Variants in PHACTR1 observed in about 807,000 individuals in gnomAD.
PHACTR1 encodes RPEL repeat containing 1.
In PHACTR1, 16 loss-of-function variants were observed where a neutral mutation model predicts 69.2. The observed-to-expected ratio is 0.23, with a 90% CI of 0.16 to 0.35. The LOEUF (loss-of-function observed/expected upper bound fraction) is 0.35, where lower values mean the gene tolerates loss of function less well. PHACTR1 is among the 10% of genes least tolerant of loss of function. The probability of loss-of-function intolerance (pLI) is 1.00; values close to 1 mark genes in which losing one functional copy is unlikely to be tolerated. For missense variants in PHACTR1, 510 were observed against 734.7 expected (o/e 0.69, Z 3.54); for synonymous variants, 312 against 284.5 (o/e 1.10, Z -0.97).
chr6:12,803,105 A>T (rs1423512844), intron 4 of PHACTR1, among the ~76,000 whole-genome samples: 3 of 152,166 alleles, frequency 2.0e-5, no homozygotes, highest in Non-Finnish European at 2.9e-5. Context: ...TGATCTGCTG[A>T]CAAGCCACAC....
intron 4 of PHACTR1, among the ~76,000 whole-genome samples, chr6:12,860,757 G>A (rs1292742540): frequency 2.0e-5 from 3 of 152,144 alleles, no homozygotes; most frequent in South Asian, 2.1e-4. Context: ...GTGATGATGA[G>A]CTCTTTTTCA....
chr6:12,956,755 GT>G (rs2127559998), intron 4 of PHACTR1, among the ~76,000 whole-genome samples: 1 of 152,224 alleles, frequency 6.6e-6, no homozygotes, highest in African/African-American at 2.4e-5. Flanking sequence ...TCGGTTTTAG[GT>G]TTTATTTGCA....
At chr6:13,271,316 A>C (rs1374510419) in intron 10 of PHACTR1, among the ~76,000 whole-genome samples, 2 of 152,212 alleles carry the variant, frequency 1.3e-5, no homozygotes, top group African/African-American at 4.8e-5. Flanking sequence ...CCCCCCGAGC[A>C]ATGGGGATTA....
chr6:13,286,934 G>A lies in PHACTR1; in HGVS notation c.1728-129G>A, dbSNP rs560122499. On this transcript the variant is annotated intron_variant, in intron 14 of 14. Coordinates refer to ENST00000332995, the MANE Select transcript of PHACTR1 (RefSeq NM_030948.6). ...GGTGTGTGTTCAGTGGTACTCCTGT[G>A]GGGATGACGGTGGGAAGCTCGCACC... The A allele has an allele frequency of 8.0e-4, 766 of 953,864 alleles. 1 individual carries two copies. The highest frequency in any genetic ancestry group is 1.1e-3 in the Non-Finnish European group (668 of 623,798). 59.1% of individuals were successfully genotyped at this position (953,864 alleles called of 1,614,324 possible).
At chr6:12,875,380 G>A (rs1333141559) in intron 4 of PHACTR1, among the ~76,000 whole-genome samples, 1 of 152,158 alleles carries the variant, frequency 6.6e-6, no homozygotes. Context: ...TCGTCACCTC[G>A]ATATTTGCGT....
At position 12,831,959 on chromosome 6, in the gene PHACTR1, A is replaced by C. The variant is rs534885530; in HGVS notation, c.250+82169A>C. ...AGGAGGAAATAAAAATCAAAATTTTAGCCAGGCTTGACGGTACATCCATCT... is the reference window on the plus strand; with the variant it reads ...AGGAGGAAATAAAAATCAAAATTTTCGCCAGGCTTGACGGTACATCCATCT... On this transcript the variant is annotated intron_variant, in intron 4 of 14. Coordinates refer to ENST00000332995, the MANE Select transcript of PHACTR1 (RefSeq NM_030948.6). Among the ~76,000 whole-genome samples the C allele has an allele frequency of 1.8e-3, 278 of 152,232 alleles. 1 individual carries two copies. Among genetic ancestry groups the C allele is most frequent in the Non-Finnish European group, 3.1e-3 (212 of 67,996 alleles).
chr6:13,161,162 G>A (rs62385532), intron 6 of PHACTR1, among the ~76,000 whole-genome samples: 34,084 of 151,948 alleles, frequency 0.22, 4,825 homozygotes, highest in East Asian at 0.43. Context: ...GTATTTTTGT[G>A]CAGACAGGGT....
intron 7 of PHACTR1, among the ~76,000 whole-genome samples, chr6:13,199,669 C>T (rs1764941239): frequency 6.6e-6 from 1 of 152,094 alleles, no homozygotes; most frequent in Non-Finnish European, 1.5e-5. Context: ...TATTGCTTGA[C>T]ACAAAATTTT....
At chr6:13,071,479 C>G (rs1481776908) in intron 5 of PHACTR1, among the ~76,000 whole-genome samples, 1 of 151,982 alleles carries the variant, frequency 6.6e-6, no homozygotes, top group Non-Finnish European at 1.5e-5. Context: ...GGTATTCTGA[C>G]CTGAGTTAGG....
chr6:12,885,412 G>T (rs779089540), intron 4 of PHACTR1, among the ~76,000 whole-genome samples: 2 of 152,192 alleles, frequency 1.3e-5, no homozygotes, highest in Non-Finnish European at 1.5e-5. Flanking sequence ...GGAAATGCCT[G>T]CCTGCCTTTG....
chr6:13,269,183 C>A (rs1396223989), intron 10 of PHACTR1, among the ~76,000 whole-genome samples: 1 of 152,200 alleles, frequency 6.6e-6, no homozygotes, highest in Non-Finnish European at 1.5e-5. Flanking sequence ...AAACATTCTG[C>A]CCCCAAAACT....
intron 4 of PHACTR1, among the ~76,000 whole-genome samples, chr6:13,017,414 A>C (rs1025669729): frequency 6.6e-6 from 1 of 152,122 alleles, no homozygotes; most frequent in Non-Finnish European, 1.5e-5. Flanking sequence ...GGAATTGCAG[A>C]ATTTTCTGCT....
At chr6:13,159,008 A>G (rs1758590183) in intron 5 of PHACTR1, among the ~76,000 whole-genome samples, 1 of 152,206 alleles carries the variant, frequency 6.6e-6, no homozygotes, top group Non-Finnish European at 1.5e-5. Flanking sequence ...AGCTGCTGGA[A>G]TAGCCTTCTT....
intron 4 of PHACTR1, among the ~76,000 whole-genome samples, chr6:12,950,537 G>GT (rs1311937859): frequency 6.6e-6 from 1 of 152,194 alleles, no homozygotes; most frequent in East Asian, 1.9e-4. Context: ...CAACTTAGAG[G>GT]TTTTCCGGGA....
chr6:12,901,954 G>A lies in PHACTR1; in HGVS notation c.251-151411G>A, dbSNP rs557632531. ...GTGGGGGGAATTTTGCTCTCCAGGG[G>A]ACATTTGGCAATGTCTGGGACGTTT... On this transcript the variant is annotated intron_variant, in intron 4 of 14. Transcript: ENST00000332995. Among the ~76,000 whole-genome samples, 11 of 152,308 alleles carry A rather than the reference G, an allele frequency of 7.2e-5. No individual in the cohort carries two copies. In the East Asian group the frequency reaches 1.7e-3, roughly 24 times the overall value.
intron 4 of PHACTR1, among the ~76,000 whole-genome samples, chr6:12,819,679 G>A (rs188446165): frequency 1.4e-4 from 22 of 152,268 alleles, no homozygotes; most frequent in African/African-American, 7.2e-5. Context: ...TTAAAAATCT[G>A]TATAGAGATG....
intron 10 of PHACTR1, among the ~76,000 whole-genome samples, chr6:13,236,400 C>T (rs1562046566): frequency 6.6e-6 from 1 of 152,152 alleles, no homozygotes; most frequent in Non-Finnish European, 1.5e-5. Context: ...GTGGCATACA[C>T]AACAGAAATG....
At chr6:13,164,467 C>T (rs892106214) in intron 6 of PHACTR1, among the ~76,000 whole-genome samples, 1 of 152,164 alleles carries the variant, frequency 6.6e-6, no homozygotes, top group Non-Finnish European at 1.5e-5. Context: ...GATGCATGGA[C>T]CCTGACAGCT....
intron 4 of PHACTR1, among the ~76,000 whole-genome samples, chr6:12,923,084 A>G (rs956311593): frequency 2.6e-5 from 4 of 152,226 alleles, no homozygotes; most frequent in African/African-American, 9.6e-5. Flanking sequence ...AATCCGAAAC[A>G]GAGCCTTCCT....
Sources: gnomAD v4.1 joint callset for allele counts (sites outside exome capture counted in the v4.1 genomes callset) on GRCh38, gnomAD v4.1.1 for gene constraint, MANE v1.5 for transcripts, NCBI Gene and HGNC (gene_info 2026-07-23, HGNC 2026-07-21) for gene names.